ZFP64: variants seen among roughly 807,000 people sequenced by gnomAD.
ZFP64 encodes the protein ZFP64 zinc finger protein, also known as zinc finger protein 64.
Under a neutral mutation model 51.6 loss-of-function variants are expected in ZFP64, and 14 were observed. The observed-to-expected ratio is 0.27, with a 90% confidence interval of 0.18 to 0.42. The LOEUF (loss-of-function observed/expected upper bound fraction) is 0.42. Ranked by LOEUF, ZFP64 falls within the 10% of genes least tolerant of loss-of-function variation. ZFP64 has a pLI of 1.00. For missense variants in ZFP64, 754 were observed against 906.8 expected, an observed-to-expected ratio of 0.83 and a Z score of 2.16; for synonymous variants, 375 against 361.4, an observed-to-expected ratio of 1.04 and a Z score of -0.43.
At position 52,097,301 on chromosome 20, in the gene ZFP64, G is replaced by T. The variant is rs1217304259; in HGVS notation, c.976+72C>A. The T allele has an allele frequency of 2.0e-5, 30 of 1,521,566 alleles. No individual in the cohort carries two copies. The East Asian group carries it at 4.3e-4, about 22-fold the overall frequency. 94.3% of individuals were successfully genotyped at this position (1,521,566 alleles called of 1,614,324 possible). A position where few individuals can be genotyped will look rare whatever the true frequency, so the allele number is the denominator to read the frequency against. On this transcript the variant is annotated intron_variant, in intron 7 of 8. Coordinates refer to the ZFP64 transcript ENST00000361387. ...GGCAGAGACTGTCCTGTTCATTACT[G>T]TGTCCCTAGCGCTTAATTCACATTC... is the stretch of plus-strand genomic sequence containing the variant.
At position 52,174,408 on chromosome 20, in the gene ZFP64, G is replaced by A. The variant is rs986747605; in HGVS notation, c.287-8383C>T. On this transcript the variant is annotated intron_variant, in intron 2 of 5. Coordinates refer to ENST00000216923, the MANE Select transcript of ZFP64 (RefSeq NM_018197.3). Reference sequence around the variant, plus strand: ...GGCTGAGGCAGAATTGCTTGAACCCGGGAGGCGGAGGTTGCAGTGGGCCAA... The same window carrying A: ...GGCTGAGGCAGAATTGCTTGAACCCAGGAGGCGGAGGTTGCAGTGGGCCAA... Among the ~76,000 whole-genome samples the A allele has an allele frequency of 5.3e-5, 8 of 151,008 alleles. No homozygotes were observed. The South Asian group carries it at 6.3e-4, about 12-fold the overall frequency.
intron 2 of ZFP64, among the ~76,000 whole-genome samples, chr20:52,166,623 T>G (rs1450326365): frequency 6.6e-6 from 1 of 151,896 alleles, no homozygotes; most frequent in African/African-American, 2.4e-5. Context: ...CCCGGCTAAT[T>G]TTTGTATTTT....
At chr20:52,146,470 A>G (rs1316333415), downstream of ZFP64, among the ~76,000 whole-genome samples, 3 of 150,926 alleles carry the variant, frequency 2.0e-5, no homozygotes, top group South Asian at 2.1e-4. Flanking sequence ...TCAGTAAACT[A>G]TCGCAAGGAC....
chr20:52,136,282 C>A (rs372009638), intron 5 of ZFP64, among the ~76,000 whole-genome samples: 10 of 151,996 alleles, frequency 6.6e-5, no homozygotes, highest in East Asian at 5.8e-4. Context: ...CATACTGAAC[C>A]AATGCATGGA....
chr20:52,098,827 C>T (rs1485335670), intron 5 of ZFP64, among the ~76,000 whole-genome samples: 1 of 151,846 alleles, frequency 6.6e-6, no homozygotes, highest in Non-Finnish European at 1.5e-5. Context: ...TATGGTGAAA[C>T]CCTGTCTCTA....
At chr20:52,139,224 A>G (rs920674662) in intron 5 of ZFP64, among the ~76,000 whole-genome samples, 2 of 152,208 alleles carry the variant, frequency 1.3e-5, no homozygotes, top group African/African-American at 2.4e-5. Flanking sequence ...TCATCGCAGC[A>G]CTATTCACGA....
At chr20:52,100,487 C>T (rs1210742346) in intron 5 of ZFP64, among the ~76,000 whole-genome samples, 1 of 152,148 alleles carries the variant, frequency 6.6e-6, no homozygotes, top group Admixed American at 6.6e-5. Flanking sequence ...CTCAAGTGAT[C>T]CGCCCATCTC....
intron 5 of ZFP64, among the ~76,000 whole-genome samples, chr20:52,103,915 G>A (rs2079080857): frequency 6.6e-6 from 1 of 152,112 alleles, no homozygotes; most frequent in African/African-American, 2.4e-5. Context: ...CCACCACCTC[G>A]GGAAGTTGTG....
chr20:52,102,670 T>C (rs1225686814), intron 5 of ZFP64, among the ~76,000 whole-genome samples: 1 of 152,082 alleles, frequency 6.6e-6, no homozygotes, highest in Non-Finnish European at 1.5e-5. Context: ...TATAACACAG[T>C]GGTTTGGGGA....
rs1372123468 is a variant in ZFP64, at chr20:52,085,718, A to T, written c.1229-452T>A. On this transcript the variant is annotated intron_variant, in intron 8 of 8. Transcript: ENST00000361387. The surrounding 1 kb of genome is among the most constrained non-coding windows in gnomAD (Gnocchi z 4.3). The stretch of plus-strand genomic sequence containing the variant: ...ACGCTTACTATAGTGTTTAATCTAT[A>T]TGACATCAGTTATTGAGCTTGTATT... Among the ~76,000 whole-genome samples the T allele has an allele frequency of 6.6e-6, 1 of 152,250 alleles. No homozygotes were observed. Among genetic ancestry groups the T allele is most frequent in the Admixed American group, 6.5e-5 (1 of 15,276 alleles).
At chr20:52,124,833 G>A (rs1979373340) in intron 5 of ZFP64, among the ~76,000 whole-genome samples, 1 of 151,614 alleles carries the variant, frequency 6.6e-6, no homozygotes, top group African/African-American at 2.4e-5. Context: ...TGAACTTCTG[G>A]GCTCAGGCGA....
In ZFP64 at chr20:52,090,942, A is replaced by G. The variant is rs968597978; in HGVS notation, c.977-2299T>C. ...CTGACTCTACCAAAAAAAAAAAAAA[A>G]AAAAAAAAAAGGATTTGCTACGTGT... On this transcript the variant is annotated intron_variant, in intron 7 of 8. Coordinates refer to the ZFP64 transcript ENST00000361387. Among the ~76,000 whole-genome samples, 22 of 150,210 alleles carry G rather than the reference A, an allele frequency of 1.5e-4. 1 individual carries two copies. The highest frequency in any genetic ancestry group is 2.7e-4 in the Non-Finnish European group (18 of 67,568).
At chr20:52,183,791 C>A (rs1292273662) in intron 2 of ZFP64, among the ~76,000 whole-genome samples, 1 of 152,144 alleles carries the variant, frequency 6.6e-6, no homozygotes, top group Non-Finnish European at 1.5e-5. Flanking sequence ...ACCCACAAAA[C>A]TTTGCTTATT....
intron 1 of ZFP64, among the ~76,000 whole-genome samples, chr20:52,188,318 T>C (rs868351061): frequency 0.13 from 17,913 of 138,582 alleles, 1,656 homozygotes; most frequent in African/African-American, 0.28. Flanking sequence ...CTTTTTTTTT[T>C]TTTTTTTTTT....
Position 52,191,695 on chromosome 20 carries a change from A to C in ZFP64, c.-59T>G. The C allele has an allele frequency of 6.5e-7, 1 of 1,540,052 alleles. No individual in the cohort carries two copies. Among genetic ancestry groups the C allele is most frequent in the Non-Finnish European group, 8.7e-7 (1 of 1,147,102 alleles). ...ATGCCAAAGTGGGGGACGCTGATCT[A>C]CATGGTGCAAGGACTTTTCCTTTTA... is the stretch of plus-strand genomic sequence containing the variant. On this transcript the variant is annotated 5_prime_UTR_variant, in exon 1 of 6. The change abolishes the stop of an existing upstream ORF in the 5' untranslated region. Coordinates refer to ENST00000216923, the MANE Select transcript of ZFP64 (RefSeq NM_018197.3). This position sits in a 1 kb window ranked among gnomAD's most constrained non-coding sequence, Gnocchi z 4.3.
Position 52,151,541 on chromosome 20 carries a change from G to C in ZFP64, c.*605C>G, listed in dbSNP as rs1410890495. On this transcript the variant is annotated 3_prime_UTR_variant, in exon 6 of 6. Coordinates refer to ENST00000216923, the MANE Select transcript of ZFP64 (RefSeq NM_018197.3). ...ACCTTTATTAGAGTTGGAAAATCAA[G>C]TTGGAAACAAACACATGAATTCACT... The C allele has an allele frequency of 1.0e-6, 1 of 985,466 alleles. No homozygotes were observed. Among genetic ancestry groups the C allele is most frequent in the South Asian group, 4.7e-5 (1 of 21,284 alleles). 61.0% of individuals were successfully genotyped at this position (985,466 alleles called of 1,614,324 possible).
At chr20:52,174,379 G>A (rs781220470) in intron 2 of ZFP64, among the ~76,000 whole-genome samples, 57 of 151,530 alleles carry the variant, frequency 3.8e-4, no homozygotes, top group African/African-American at 1.2e-3. Context: ...CCAGCTACTC[G>A]GGAGGCTGAG....
At chr20:52,104,421 T>TG (rs1395783416) in intron 5 of ZFP64, among the ~76,000 whole-genome samples, 1 of 152,110 alleles carries the variant, frequency 6.6e-6, no homozygotes, top group Non-Finnish European at 1.5e-5. Flanking sequence ...GGAGGGGGTG[T>TG]GGGGGCCGCC....
Position 52,153,578 on chromosome 20 carries a change from G to A in ZFP64, c.764-150C>T. The A allele has an allele frequency of 8.1e-7, 1 of 1,238,614 alleles. No homozygotes were observed. Among genetic ancestry groups the A allele is most frequent in the Non-Finnish European group, 1.1e-6 (1 of 925,908 alleles). The allele number at this position is 1,238,614 out of a possible 1,614,324, so 76.7% of individuals were successfully genotyped here. A position where few individuals can be genotyped will look rare whatever the true frequency, so the allele number is the denominator to read the frequency against. ...CTAGCAGCCCCTGGCAGTGGGGGAAGAGGGGCAGGGCGTCTTTATCTTTCC... is the reference window on the plus strand; with the variant it reads ...CTAGCAGCCCCTGGCAGTGGGGGAAAAGGGGCAGGGCGTCTTTATCTTTCC... On this transcript the variant is annotated intron_variant, in intron 5 of 5. Coordinates refer to ENST00000216923, the MANE Select transcript of ZFP64 (RefSeq NM_018197.3). This position sits in a 1 kb window ranked among gnomAD's most constrained non-coding sequence, Gnocchi z 5.1.
Sources: allele counts gnomAD v4.1 joint callset (sites outside exome capture counted in the v4.1 genomes callset), GRCh38; gene constraint gnomAD v4.1.1; non-coding constraint Gnocchi (gnomAD v3.1); transcripts MANE v1.5; gene names NCBI Gene and HGNC (gene_info 2026-07-23, HGNC 2026-07-21).